KSR2: variants seen among roughly 807,000 people sequenced by gnomAD.
The protein encoded by KSR2 is kinase suppressor of ras 2.
Under a neutral mutation model 107.8 loss-of-function variants are expected in KSR2, and 25 were observed. The observed-to-expected ratio is 0.23, with a 90% CI of 0.17 to 0.32. KSR2 has a LOEUF of 0.32. Among genes scored for constraint, KSR2 ranks in the 10% least tolerant of loss-of-function variants. The pLI is 1.00. For missense variants in KSR2, 887 were observed against 1,268.9 expected (o/e 0.70, Z 4.57); for synonymous variants, 480 against 507.0 (o/e 0.95, Z 0.71).
In KSR2 at chr12:117,501,728, C is replaced by A. The variant is rs931114640; in HGVS notation, c.2220-16037G>T. 5.3e-5 allele frequency among the ~76,000 whole-genome samples: 8 copies of A among 152,218 alleles called. 1 individual carries two copies. The highest frequency in any genetic ancestry group is 5.2e-4 in the Admixed American group (8 of 15,290). The stretch of plus-strand genomic sequence containing the variant: ...CCAAATAAGGGAGCTTATCTGCAAG[C>A]CTGTGTTACGCAAGGTGGAGACAGA... On this transcript the variant is annotated intron_variant, in intron 14 of 19. Transcript: ENST00000339824.
chr12:117,549,862 A>G (rs900913046), intron 9 of KSR2, among the ~76,000 whole-genome samples: 1 of 151,964 alleles, frequency 6.6e-6, no homozygotes, highest in Non-Finnish European at 1.5e-5. Flanking sequence ...AATTGTCTTT[A>G]TGGTGGAAGG....
intron 3 of KSR2, among the ~76,000 whole-genome samples, chr12:117,789,232 C>G (rs1041118274): frequency 4.6e-5 from 7 of 152,150 alleles, no homozygotes; most frequent in Non-Finnish European, 1.0e-4. Context: ...TAGGTGGATG[C>G]CTTCTGTAAG....
At chr12:117,473,136 G>T (rs982645591) in intron 17 of KSR2, among the ~76,000 whole-genome samples, 3 of 152,084 alleles carry the variant, frequency 2.0e-5, no homozygotes, top group Non-Finnish European at 4.4e-5. Flanking sequence ...CTTCCCAAGA[G>T]CCACAATAAA....
In KSR2 at chr12:117,558,577, A is replaced by T. The variant is rs1565899865; in HGVS notation, c.1326-4T>A. 3 of 1,612,514 alleles carry T rather than the reference A, an allele frequency of 1.9e-6. No homozygotes were observed. The highest frequency in any genetic ancestry group is 2.5e-6 in the Non-Finnish European group (3 of 1,178,612). ...GCATTTGTTGTGGCACTTTAACCTG[A>T]GAAAGATAAAGAGAGAGAAAGATGG... On this transcript the variant is annotated splice_region_variant and splice_polypyrimidine_tract_variant and intron_variant, in intron 7 of 19. Coordinates refer to ENST00000339824, the MANE Select transcript of KSR2 (RefSeq NM_173598.6).
intron 1 of KSR2, among the ~76,000 whole-genome samples, chr12:117,878,971 T>G (rs1444155002): frequency 6.6e-6 from 1 of 152,072 alleles, no homozygotes; most frequent in East Asian, 1.9e-4. Context: ...ATGCATCCTA[T>G]CGGGGTCGTG....
chr12:117,682,206 G>A (rs1276627438), intron 4 of KSR2, among the ~76,000 whole-genome samples: 1 of 152,068 alleles, frequency 6.6e-6, no homozygotes, highest in African/African-American at 2.4e-5. Context: ...CTTATAAGTG[G>A]GAGCTGAACA....
chr12:117,930,539 G>A (rs564259343), intron 1 of KSR2, among the ~76,000 whole-genome samples: 287 of 152,250 alleles, frequency 1.9e-3, no homozygotes, highest in African/African-American at 5.9e-3. Flanking sequence ...GCCACACTTT[G>A]GGTAGCCACA....
intron 4 of KSR2, among the ~76,000 whole-genome samples, chr12:117,720,646 C>A (rs1249982918): frequency 2.0e-5 from 3 of 152,206 alleles, no homozygotes; most frequent in Non-Finnish European, 2.9e-5. Flanking sequence ...TAACCAAGGG[C>A]TCAAACATCA....
chr12:117,626,195 T>C (rs1462745816), intron 5 of KSR2, among the ~76,000 whole-genome samples: 1 of 152,236 alleles, frequency 6.6e-6, no homozygotes, highest in East Asian at 1.9e-4. Context: ...TTTTTGTGTC[T>C]CTATCTCTTT....
At chr12:117,849,492 T>C (rs1342428439) in intron 3 of KSR2, among the ~76,000 whole-genome samples, 4 of 152,216 alleles carry the variant, frequency 2.6e-5, no homozygotes, top group Non-Finnish European at 5.9e-5. Context: ...TCTGGGATCC[T>C]TTGATCTTGC....
intron 5 of KSR2, among the ~76,000 whole-genome samples, chr12:117,628,449 T>G (rs1882636660): frequency 6.6e-6 from 1 of 152,194 alleles, no homozygotes; most frequent in Admixed American, 6.5e-5. Flanking sequence ...CTTCTAATAG[T>G]CAGGTCCCTC....
At chr12:117,915,801 A>T (rs1032629858) in intron 1 of KSR2, among the ~76,000 whole-genome samples, 6 of 152,112 alleles carry the variant, frequency 3.9e-5, no homozygotes, top group East Asian at 1.9e-4. Flanking sequence ...TCATTTTTTT[A>T]AAAATTTTAA....
In KSR2 at chr12:117,673,080, G is replaced by C. The variant is rs150402172; in HGVS notation, c.987-5422C>G. Among the ~76,000 whole-genome samples the C allele has an allele frequency of 5.4e-3, 820 of 152,342 alleles. 3 individuals are homozygous for C. The highest frequency in any genetic ancestry group is 8.6e-3 in the Non-Finnish European group (583 of 68,040). ...GTGACAAGACCAGATCCTCTGGCAA[G>C]AAGAACCAAGTCTGACCCAGCACAA... On this transcript the variant is annotated intron_variant, in intron 4 of 19. Coordinates refer to ENST00000339824, the MANE Select transcript of KSR2 (RefSeq NM_173598.6).
chr12:117,791,174 C>T (rs1890234707), intron 3 of KSR2, among the ~76,000 whole-genome samples: 1 of 152,106 alleles, frequency 6.6e-6, no homozygotes, highest in Non-Finnish European at 1.5e-5. Flanking sequence ...TTCCTTTATG[C>T]CCACCAGCTC....
intron 8 of KSR2, 85 bp downstream of exon 8, chr12:117,558,421 C>T: frequency 9.4e-7 from 1 of 1,058,340 alleles, no homozygotes; most frequent in Non-Finnish European, 1.5e-6. Flanking sequence ...GTATTCAGAA[C>T]CAACCTGATG....
At chr12:117,747,474 C>T (rs752965153) in intron 4 of KSR2, among the ~76,000 whole-genome samples, 269 of 152,052 alleles carry the variant, frequency 1.8e-3, no homozygotes, top group Non-Finnish European at 3.2e-3. Flanking sequence ...AGGACAAATA[C>T]GTAATGCATG....
chr12:117,555,364 G>C (rs991046039), intron 8 of KSR2, 71 bp from the exon 9 acceptor site: 14 of 1,523,874 alleles, frequency 9.2e-6, no homozygotes, highest in Non-Finnish European at 1.1e-5. Flanking sequence ...GGACGGCATA[G>C]CTCAGATCCC....
intron 9 of KSR2, among the ~76,000 whole-genome samples, chr12:117,551,725 G>T (rs1473151640): frequency 6.6e-6 from 1 of 152,200 alleles, no homozygotes; most frequent in Non-Finnish European, 1.5e-5. Context: ...CTGACAAGAA[G>T]AATCTGTGTG....
At chr12:117,490,841 G>A (rs1872707994) in intron 14 of KSR2, among the ~76,000 whole-genome samples, 1 of 152,198 alleles carries the variant, frequency 6.6e-6, no homozygotes, top group Non-Finnish European at 1.5e-5. Context: ...CATATTTATT[G>A]TGTAGCACAT....
Sources: allele counts gnomAD v4.1 joint callset (sites outside exome capture counted in the v4.1 genomes callset), GRCh38; gene constraint gnomAD v4.1.1; transcripts MANE v1.5; gene names NCBI Gene and HGNC (gene_info 2026-07-23, HGNC 2026-07-21).